Variants in GABBR2 observed in about 807,000 individuals in gnomAD.
GABBR2 encodes the protein gamma-aminobutyric acid type B receptor subunit 2, also known as G-protein coupled receptor 51.
In GABBR2, 23 loss-of-function variants were observed where a neutral mutation model predicts 105.6. The ratio of observed to expected loss-of-function variants is 0.22; its 90% CI spans 0.16 to 0.31. The LOEUF (loss-of-function observed/expected upper bound fraction) is 0.31, where lower values mean the gene tolerates loss of function less well. Among genes scored for constraint, GABBR2 ranks in the 10% least tolerant of loss-of-function variants. GABBR2 has a pLI of 1.00. For synonymous variants in GABBR2, 478 were observed against 499.7 expected (o/e 0.96, Z 0.58); for missense variants, 734 against 1,245.5 (o/e 0.59, Z 6.18).
At chr9:98,489,781 C>T (rs1337917709) in intron 4 of GABBR2, among the ~76,000 whole-genome samples, 2 of 152,106 alleles carry the variant, frequency 1.3e-5, no homozygotes, top group South Asian at 2.1e-4. Context: ...AGTCCAACCC[C>T]GGGTCTACTT....
chr9:98,686,148 G>A (rs745928221), intron 1 of GABBR2, among the ~76,000 whole-genome samples: 51 of 151,954 alleles, frequency 3.4e-4, no homozygotes, highest in Middle Eastern at 3.4e-3. Flanking sequence ...CTCATCCCCC[G>A]CCAGCTCCAG....
chr9:98,634,535 TG>T (rs1829853802), intron 1 of GABBR2, among the ~76,000 whole-genome samples: 1 of 152,020 alleles, frequency 6.6e-6, no homozygotes, highest in South Asian at 2.1e-4. Flanking sequence ...ATGGGCGTGA[TG>T]GTGCCACAAG....
At chr9:98,599,268 C>G (rs1487804565) in intron 1 of GABBR2, among the ~76,000 whole-genome samples, 1 of 152,130 alleles carries the variant, frequency 6.6e-6, no homozygotes. Flanking sequence ...CAGAAGGGTT[C>G]CCTTCTGGAG....
intron 1 of GABBR2, among the ~76,000 whole-genome samples, chr9:98,608,423 T>C (rs535452185): frequency 6.6e-6 from 1 of 152,338 alleles, no homozygotes; most frequent in East Asian, 1.9e-4. Context: ...ATTTTACTGT[T>C]GTATAATCAT....
At chr9:98,505,568 C>A (rs1407036005) in intron 3 of GABBR2, among the ~76,000 whole-genome samples, 1 of 152,056 alleles carries the variant, frequency 6.6e-6, no homozygotes, top group East Asian at 1.9e-4. Flanking sequence ...GTGAATGTGA[C>A]CTCATTTGGA....
chr9:98,413,353 G>A (rs962154087), intron 7 of GABBR2, among the ~76,000 whole-genome samples: 1 of 152,184 alleles, frequency 6.6e-6, no homozygotes, highest in Non-Finnish European at 1.5e-5. Flanking sequence ...AGGAGAAGGT[G>A]CCCTCTGTTT....
In GABBR2 at chr9:98,388,758, G is replaced by T; in HGVS notation, c.1529+96C>A. The T allele has an allele frequency of 2.0e-6, 2 of 1,004,940 alleles. No homozygotes were observed. The highest frequency in any genetic ancestry group is 2.9e-6 in the Non-Finnish European group (2 of 680,952). 62.3% of individuals were successfully genotyped at this position (1,004,940 alleles called of 1,614,324 possible). On this transcript the variant is annotated intron_variant, in intron 10 of 18. Transcript: ENST00000259455. The surrounding 1 kb of genome is among the most constrained non-coding windows in gnomAD (Gnocchi z 4.4). ...GAAACTCTGCCCTGCAGACTTCTGT[G>T]TCCCTGGGGAATCTGTCATGTGGCA...
chr9:98,658,849 C>G (rs1369010480), intron 1 of GABBR2, among the ~76,000 whole-genome samples: 1 of 152,204 alleles, frequency 6.6e-6, no homozygotes, highest in Non-Finnish European at 1.5e-5. Context: ...AGACCCTTAT[C>G]TGGAACGAAT....
At chr9:98,555,577 C>G (rs1319680956) in intron 2 of GABBR2, 1 of 152,190 alleles carries the variant, frequency 6.6e-6, no homozygotes, top group South Asian at 2.1e-4. Context: ...TTGCACTTGG[C>G]TTTCAGCTGA....
intron 1 of GABBR2, among the ~76,000 whole-genome samples, chr9:98,604,193 C>T (rs140038756): frequency 6.6e-6 from 1 of 152,348 alleles, no homozygotes; most frequent in African/African-American, 2.4e-5. Flanking sequence ...TAATACACAT[C>T]CCTGATGATC....
chr9:98,359,545 C>A (rs1831546178), intron 13 of GABBR2, among the ~76,000 whole-genome samples: 1 of 152,166 alleles, frequency 6.6e-6, no homozygotes, highest in Non-Finnish European at 1.5e-5. Flanking sequence ...TTCCAAGGAC[C>A]CTTGAGTATG....
chr9:98,415,372 A>T (rs1054505847), intron 7 of GABBR2, among the ~76,000 whole-genome samples: 3 of 152,090 alleles, frequency 2.0e-5, no homozygotes, highest in Non-Finnish European at 4.4e-5. Context: ...AAATAGATTA[A>T]TTTTTTTACT....
chr9:98,708,656 G>T lies in GABBR2; in HGVS notation c.82C>A (p.Leu28Met), dbSNP rs2131893146. The change falls in exon 1 of 19, where the codon CTG (leucine) becomes ATG (methionine). Residue 28 changes from leucine to methionine, a missense_variant. This residue lies in a region of GABBR2 where 70 missense variants were observed against 73.4 expected (regional missense o/e 0.95). Coordinates refer to ENST00000259455, the MANE Select transcript of GABBR2 (RefSeq NM_005458.8). ...PPPARLLLLL[L>M]LPLLLPLAPG... ...GCCAGAGGCAGCAGCAGCGGCAGCA[G>T]CAGTAGCAGTAGCAGGCGCGCGGGC... 8.4e-7 allele frequency: 1 copy of T among 1,196,458 alleles called. No individual in the cohort carries two copies. Among genetic ancestry groups the T allele is most frequent in the Non-Finnish European group, 1.0e-6 (1 of 963,744 alleles). 74.1% of individuals were successfully genotyped at this position (1,196,458 alleles called of 1,614,324 possible). A position where few individuals can be genotyped will look rare whatever the true frequency, so the allele number is the denominator to read the frequency against.
chr9:98,632,669 T>C (rs1192180146), intron 1 of GABBR2, among the ~76,000 whole-genome samples: 3 of 152,182 alleles, frequency 2.0e-5, no homozygotes, highest in African/African-American at 7.2e-5. Flanking sequence ...TAGTCAACAG[T>C]CTCAGCTAAG....
chr9:98,293,252 C>G (rs1365875945), intron 18 of GABBR2, among the ~76,000 whole-genome samples: 1 of 152,152 alleles, frequency 6.6e-6, no homozygotes, highest in East Asian at 1.9e-4. Context: ...TCTGACCACC[C>G]TATTTAAAAT....
chr9:98,462,639 A>G lies in GABBR2; in HGVS notation c.1000-8422T>C, dbSNP rs561687458. The stretch of plus-strand genomic sequence containing the variant: ...ACACCCACTAGTTTGGCTAAAATTA[A>G]AAAGCTGACACACCAAAAGTTGTTG... On this transcript the variant is annotated intron_variant, in intron 6 of 18. Transcript: ENST00000259455. 5.3e-5 allele frequency among the ~76,000 whole-genome samples: 8 copies of G among 152,308 alleles called. No homozygotes were observed. The South Asian group carries it at 1.0e-3, about 20-fold the overall frequency.
chr9:98,573,101 G>T (rs1370286597), intron 2 of GABBR2, among the ~76,000 whole-genome samples: 4 of 152,082 alleles, frequency 2.6e-5, no homozygotes, highest in Non-Finnish European at 4.4e-5. Flanking sequence ...AGGCCCCTCC[G>T]TCCACCTATC....
chr9:98,542,404 G>C (rs574216125), intron 2 of GABBR2, among the ~76,000 whole-genome samples: 3 of 152,014 alleles, frequency 2.0e-5, no homozygotes, highest in Non-Finnish European at 4.4e-5. Context: ...CCCATTTAAC[G>C]GTATCCTTAA....
At chr9:98,590,716 C>T (rs1193139205) in intron 1 of GABBR2, among the ~76,000 whole-genome samples, 1 of 152,224 alleles carries the variant, frequency 6.6e-6, no homozygotes, top group East Asian at 1.9e-4. Flanking sequence ...CAAGCCATCG[C>T]CACTCCTTTC....
Sources: gnomAD v4.1 joint callset for allele counts (sites outside exome capture counted in the v4.1 genomes callset) on GRCh38, gnomAD v4.1.1 for gene constraint, gnomAD v4.1.1 regional missense constraint, Gnocchi (gnomAD v3.1) non-coding constraint, MANE v1.5 for transcripts, NCBI Gene and HGNC (gene_info 2026-07-23, HGNC 2026-07-21) for gene names.